Variants in ASTN2 observed in about 807,000 individuals in gnomAD.
ASTN2 encodes astrotactin-2.
In ASTN2, 54 loss-of-function variants were observed where a neutral mutation model predicts 139.8. The ratio of observed to expected loss-of-function variants is 0.39; its 90% CI spans 0.31 to 0.48. The LOEUF is 0.48. Ranked by LOEUF, ASTN2 falls within the 20% of genes least tolerant of loss-of-function variation. ASTN2 has a pLI of 0.95. For synonymous variants in ASTN2, 756 were observed against 719.5 expected, an observed-to-expected ratio of 1.05 and a Z score of -0.81; for missense variants, 1,565 against 1,725.1, an observed-to-expected ratio of 0.91 and a Z score of 1.64.
At chr9:117,206,979 G>C (rs10124478) in intron 3 of ASTN2, among the ~76,000 whole-genome samples, 146,635 of 152,234 alleles carry the variant, frequency 0.96, 70,725 homozygotes, top group Non-Finnish European at 0.99. Context: ...CCACAGGACA[G>C]CCCTGGTGGG....
intron 2 of ASTN2, among the ~76,000 whole-genome samples, chr9:117,284,538 G>T (rs1834400342): frequency 6.6e-6 from 1 of 152,236 alleles, no homozygotes; most frequent in African/African-American, 2.4e-5. Flanking sequence ...GCCTGGAGCA[G>T]ATCTTTCCCT....
intron 16 of ASTN2, among the ~76,000 whole-genome samples, chr9:116,669,321 T>A (rs562210646): frequency 6.6e-6 from 1 of 152,340 alleles, no homozygotes; most frequent in South Asian, 2.1e-4. Context: ...GGAGTAGCCC[T>A]GCTCTACAGA....
At chr9:117,215,486 G>C (rs10759910) in intron 2 of ASTN2, among the ~76,000 whole-genome samples, 12 of 22,462 alleles carry the variant, frequency 5.3e-4, no homozygotes, top group African/African-American at 1.5e-3. Context: ...TATATATAAT[G>C]TGTATATATA....
At chr9:116,635,927 C>A (rs891840738) in intron 17 of ASTN2, among the ~76,000 whole-genome samples, 1 of 152,032 alleles carries the variant, frequency 6.6e-6, no homozygotes, top group African/African-American at 2.4e-5. Context: ...GAAGTGAGAA[C>A]GGAGCAAGAA....
At chr9:117,095,439 A>G (rs1302311965) in intron 5 of ASTN2, among the ~76,000 whole-genome samples, 3 of 152,204 alleles carry the variant, frequency 2.0e-5, no homozygotes, top group Non-Finnish European at 1.5e-5. Flanking sequence ...AGAAATAATT[A>G]TCCAATACTG....
chr9:117,360,809 T>C (rs950119619), intron 1 of ASTN2, among the ~76,000 whole-genome samples: 1 of 152,192 alleles, frequency 6.6e-6, no homozygotes, highest in Non-Finnish European at 1.5e-5. Context: ...GAGGTACTTA[T>C]ATTAGATAAC....
chr9:116,673,888 ATGAC>A (rs2131996055), intron 16 of ASTN2, among the ~76,000 whole-genome samples: 1 of 152,338 alleles, frequency 6.6e-6, no homozygotes, highest in South Asian at 2.1e-4. Context: ...TTGCTAAACT[ATGAC>A]TGAGATAGTG....
chr9:116,774,341 G>A (rs1280627541), intron 13 of ASTN2, among the ~76,000 whole-genome samples: 1 of 152,120 alleles, frequency 6.6e-6, no homozygotes, highest in Non-Finnish European at 1.5e-5. Context: ...CTACACAGTG[G>A]CCAAGAAATA....
At chr9:116,917,751 T>C (rs1834491458) in intron 10 of ASTN2, among the ~76,000 whole-genome samples, 2 of 152,204 alleles carry the variant, frequency 1.3e-5, no homozygotes, top group South Asian at 4.1e-4. Context: ...AATTGGTTAA[T>C]TATAAAAGTT....
In ASTN2 at chr9:117,131,890, G is replaced by A. The variant is rs1829835918; in HGVS notation, c.1168+9436C>T. Among the ~76,000 whole-genome samples the A allele has an allele frequency of 2.0e-5, 3 of 152,230 alleles. No individual in the cohort carries two copies. The South Asian group carries it at 6.2e-4, about 32-fold the overall frequency. ...GGAACACTTTCTCAGGACCCCTTGGGACTATCATGGTCTATAGTCACTCAT... is the reference window on the plus strand; with the variant it reads ...GGAACACTTTCTCAGGACCCCTTGGAACTATCATGGTCTATAGTCACTCAT... On this transcript the variant is annotated intron_variant, in intron 4 of 22. Coordinates refer to ENST00000313400, the MANE Select transcript of ASTN2 (RefSeq NM_001365068.1).
chr9:116,439,286 C>T (rs1334750139), intron 22 of ASTN2, among the ~76,000 whole-genome samples: 3 of 129,358 alleles, frequency 2.3e-5, no homozygotes, highest in Non-Finnish European at 4.6e-5. Flanking sequence ...CTGCAAGCTC[C>T]GCCTCCCGGG....
intron 19 of ASTN2, chr9:116,613,350 G>A (rs1013149677): frequency 2.0e-5 from 3 of 152,194 alleles, no homozygotes; most frequent in African/African-American, 7.2e-5. Flanking sequence ...AATAGAAAAA[G>A]AGGGAATCCT....
intron 13 of ASTN2, among the ~76,000 whole-genome samples, chr9:116,781,008 T>G (rs1240072237): frequency 6.6e-6 from 1 of 152,032 alleles, no homozygotes; most frequent in Non-Finnish European, 1.5e-5. Context: ...CCTGGCTAAT[T>G]TTTGTATTTT....
chr9:116,957,767 G>A (rs769712822), intron 10 of ASTN2, among the ~76,000 whole-genome samples: 16 of 152,120 alleles, frequency 1.1e-4, no homozygotes, highest in Non-Finnish European at 1.6e-4. Flanking sequence ...TGCAACCTCC[G>A]CCTCCCAGGT....
rs578154667 is a variant in ASTN2 at position 117,371,424 on chromosome 9, C to T, written c.442+43073G>A. ...CAAAAATAGCAAGGCCTCAAATTCTCGTAGTGCTATTCCTGTAAAGTGTCC... is the reference window on the plus strand; with the variant it reads ...CAAAAATAGCAAGGCCTCAAATTCTTGTAGTGCTATTCCTGTAAAGTGTCC... On this transcript the variant is annotated intron_variant, in intron 1 of 22. Coordinates refer to ENST00000313400, the MANE Select transcript of ASTN2 (RefSeq NM_001365068.1). Among the ~76,000 whole-genome samples, 133 of 152,274 alleles carry T rather than the reference C, an allele frequency of 8.7e-4. 1 individual carries two copies. The highest frequency in any genetic ancestry group is 3.1e-3 in the African/African-American group (129 of 41,566).
chr9:116,618,596 G>A lies in ASTN2; in HGVS notation c.3207-124C>T, dbSNP rs545919636. ...GAATTTAAATCTTGATTCCACCCAT[G>A]ATCGCCAACTTGCATGACCGTAGGC... is the stretch of plus-strand genomic sequence containing the variant. On this transcript the variant is annotated intron_variant, in intron 18 of 22. Transcript: ENST00000313400. 1.0e-5 allele frequency: 12 copies of A among 1,182,946 alleles called. No homozygotes were observed. The South Asian group carries it at 1.9e-4, about 19-fold the overall frequency. 73.3% of individuals were successfully genotyped at this position (1,182,946 alleles called of 1,614,324 possible).
At chr9:117,399,351 T>C (rs573365556) in intron 1 of ASTN2, among the ~76,000 whole-genome samples, 4 of 152,290 alleles carry the variant, frequency 2.6e-5, no homozygotes, top group African/African-American at 7.2e-5. Context: ...ATGGTAGTTA[T>C]GAGGCAGAAA....
intron 16 of ASTN2, among the ~76,000 whole-genome samples, chr9:116,677,743 C>A (rs1859597785): frequency 6.6e-6 from 1 of 152,106 alleles, no homozygotes; most frequent in African/African-American, 2.4e-5. Context: ...TTTTGGGGAC[C>A]CAGGATCCAG....
chr9:117,284,850 A>AGT (rs1236514166), intron 2 of ASTN2, among the ~76,000 whole-genome samples: 1 of 152,202 alleles, frequency 6.6e-6, no homozygotes, highest in Admixed American at 6.5e-5. Flanking sequence ...ACTACTACCA[A>AGT]GTCAGTTATG....
Sources: gnomAD v4.1 joint callset for allele counts (sites outside exome capture counted in the v4.1 genomes callset) on GRCh38, gnomAD v4.1.1 for gene constraint, MANE v1.5 for transcripts, NCBI Gene and HGNC (gene_info 2026-07-23, HGNC 2026-07-21) for gene names.